Variants in ANO3 observed in about 807,000 individuals in gnomAD.
ANO3 encodes anoctamin-3.
Under a neutral mutation model 144.8 loss-of-function variants are expected in ANO3, and 99 were observed. That is an observed-to-expected ratio of 0.68 (90% CI 0.58 to 0.81). The LOEUF is 0.81. ANO3 is among the 30% of genes least tolerant of loss of function. The pLI, the probability that ANO3 is intolerant of heterozygous loss-of-function variation, is 0.00. For missense variants in ANO3, 905 were observed against 1,202.2 expected, an observed-to-expected ratio of 0.75 and a Z score of 3.66; for synonymous variants, 414 against 392.6, an observed-to-expected ratio of 1.05 and a Z score of -0.64.
At chr11:26,245,600 A>G (rs967113205) in intron 1 of ANO3, among the ~76,000 whole-genome samples, 3 of 152,184 alleles carry the variant, frequency 2.0e-5, no homozygotes, top group African/African-American at 7.2e-5. Context: ...GGAATATTGC[A>G]TATGGTTGTA....
intron 1 of ANO3, among the ~76,000 whole-genome samples, chr11:26,242,683 A>T (rs1852687750): frequency 6.6e-6 from 1 of 152,214 alleles, no homozygotes; most frequent in Non-Finnish European, 1.5e-5. Flanking sequence ...TGATGGAAAT[A>T]CTAATTCTGC....
chr11:26,417,210 G>T (rs1857615353), intron 1 of ANO3, among the ~76,000 whole-genome samples: 1 of 151,904 alleles, frequency 6.6e-6, no homozygotes, highest in African/African-American at 2.4e-5. Flanking sequence ...TAAGTAAATG[G>T]TACTACATCT....
At chr11:26,302,350 C>T (rs181269207) in intron 1 of ANO3, among the ~76,000 whole-genome samples, 1 of 152,196 alleles carries the variant, frequency 6.6e-6, no homozygotes, top group East Asian at 1.9e-4. Flanking sequence ...CAAAAAATAG[C>T]TGGGCATGGT....
rs567001322 is a variant in ANO3, at chr11:26,242,434, G to A, written c.154+53104G>A. On this transcript the variant is annotated intron_variant, in intron 1 of 27. Transcript: ENST00000672621. ...AGTTTAGAAAGGCCTTTCCCGTTATGAAATATTTCCCTCAAGGAAAGAATT... is the reference window on the plus strand; with the variant it reads ...AGTTTAGAAAGGCCTTTCCCGTTATAAAATATTTCCCTCAAGGAAAGAATT... 2.5e-3 allele frequency among the ~76,000 whole-genome samples: 375 copies of A among 152,168 alleles called. 1 individual carries two copies. The highest frequency in any genetic ancestry group is 8.8e-3 in the African/African-American group (366 of 41,522).
intron 11 of ANO3, among the ~76,000 whole-genome samples, chr11:26,545,423 T>C (rs1209723616): frequency 6.6e-6 from 1 of 152,046 alleles, no homozygotes; most frequent in Non-Finnish European, 1.5e-5. Context: ...TTTAAACATT[T>C]TGTAGCTAAG....
chr11:26,339,884 C>T (rs1224640288), intron 1 of ANO3, among the ~76,000 whole-genome samples: 1 of 152,176 alleles, frequency 6.6e-6, no homozygotes, highest in Non-Finnish European at 1.5e-5. Flanking sequence ...GTAGCAATTA[C>T]TTTAAATTCC....
intron 1 of ANO3, among the ~76,000 whole-genome samples, chr11:26,282,136 G>A (rs1158729311): frequency 6.6e-6 from 1 of 152,014 alleles, no homozygotes; most frequent in Non-Finnish European, 1.5e-5. Context: ...TGCTTCGGAG[G>A]GTGTTAGACA....
upstream of ANO3, among the ~76,000 whole-genome samples, chr11:26,309,167 T>C (rs1854451320): frequency 6.6e-6 from 1 of 152,154 alleles, no homozygotes; most frequent in South Asian, 2.1e-4. Flanking sequence ...CATTGACTTG[T>C]TAGATAAAGA....
At chr11:26,248,633 T>C (rs926550653) in intron 1 of ANO3, among the ~76,000 whole-genome samples, 2 of 152,256 alleles carry the variant, frequency 1.3e-5, no homozygotes, top group African/African-American at 4.8e-5. Context: ...TTGGATTATG[T>C]ATGCAGATGT....
At chr11:26,318,361 G>A (rs1395440905) in intron 1 of ANO3, among the ~76,000 whole-genome samples, 2 of 152,156 alleles carry the variant, frequency 1.3e-5, no homozygotes, top group Non-Finnish European at 2.9e-5. Flanking sequence ...TTAACAGAAT[G>A]CAATTTTAAC....
At chr11:26,604,342 G>A (rs1851879309) in intron 17 of ANO3, among the ~76,000 whole-genome samples, 1 of 152,136 alleles carries the variant, frequency 6.6e-6, no homozygotes, top group Non-Finnish European at 1.5e-5. Flanking sequence ...AATTCAGGTA[G>A]TGTAATGCCT....
At chr11:26,329,006 C>T (rs530029067), upstream of ANO3, among the ~76,000 whole-genome samples, 1 of 151,712 alleles carries the variant, frequency 6.6e-6, no homozygotes, top group African/African-American at 2.4e-5. Context: ...ATTAATCATG[C>T]CCCCTCACTA....
chr11:26,273,229 T>G (rs924894658), intron 1 of ANO3, among the ~76,000 whole-genome samples: 2 of 139,952 alleles, frequency 1.4e-5, no homozygotes, highest in African/African-American at 6.3e-5. Context: ...TTTTAAAGTT[T>G]TTTTTTTTTT....
chr11:26,489,983 G>T (rs912161736), intron 4 of ANO3, among the ~76,000 whole-genome samples: 1 of 152,152 alleles, frequency 6.6e-6, no homozygotes, highest in Non-Finnish European at 1.5e-5. Context: ...TGAGGGGAAG[G>T]CATGATTGGT....
chr11:26,305,968 T>C (rs1223070010), upstream of ANO3, among the ~76,000 whole-genome samples: 1 of 152,104 alleles, frequency 6.6e-6, no homozygotes, highest in Non-Finnish European at 1.5e-5. Flanking sequence ...TTCCTATTCT[T>C]CTTAAGACAG....
intron 1 of ANO3, among the ~76,000 whole-genome samples, chr11:26,250,139 G>T (rs538157800): frequency 3.3e-5 from 5 of 152,180 alleles, no homozygotes; most frequent in Admixed American, 3.3e-4. Flanking sequence ...CAAAATATTG[G>T]GTGAACAATA....
chr11:26,564,727 A>C (rs1850471081), intron 14 of ANO3, among the ~76,000 whole-genome samples: 1 of 44,262 alleles, frequency 2.3e-5, no homozygotes, highest in African/African-American at 1.1e-4. Context: ...ACACACACAC[A>C]CACACATATA....
At chr11:26,624,963 C>T (rs550514639) in intron 18 of ANO3, among the ~76,000 whole-genome samples, 9 of 151,734 alleles carry the variant, frequency 5.9e-5, no homozygotes, top group Admixed American at 5.9e-4. Context: ...GCTCAGTCGC[C>T]CAGAGTGGAG....
At chr11:26,523,745 T>G (rs1352257723) in intron 6 of ANO3, among the ~76,000 whole-genome samples, 6 of 152,200 alleles carry the variant, frequency 3.9e-5, no homozygotes, top group Non-Finnish European at 8.8e-5. Flanking sequence ...TCCATTTTCT[T>G]TATTTCTCCA....
Sources: allele counts gnomAD v4.1 joint callset (sites outside exome capture counted in the v4.1 genomes callset), GRCh38; gene constraint gnomAD v4.1.1; transcripts MANE v1.5; gene names NCBI Gene and HGNC (gene_info 2026-07-23, HGNC 2026-07-21).